Variants in CPE observed in about 807,000 individuals in gnomAD.
The protein encoded by CPE is carboxypeptidase E.
In CPE, 17 loss-of-function variants were observed where a neutral mutation model predicts 53.5. That is an observed-to-expected ratio of 0.32 (90% CI 0.22 to 0.48). The LOEUF is 0.48. Among genes scored for constraint, CPE ranks in the 20% least tolerant of loss-of-function variants. The probability of loss-of-function intolerance (pLI) is 0.99; values close to 1 mark genes in which losing one functional copy is unlikely to be tolerated. For missense variants in CPE, 524 were observed against 614.7 expected, an observed-to-expected ratio of 0.85 and a Z score of 1.56; for synonymous variants, 226 against 228.8, an observed-to-expected ratio of 0.99 and a Z score of 0.11.
intron 1 of CPE, among the ~76,000 whole-genome samples, chr4:165,407,887 T>C (rs985202059): frequency 1.3e-4 from 20 of 150,858 alleles, no homozygotes; most frequent in African/African-American, 4.9e-4. Context: ...AGAGACGGAG[T>C]TCCGCTGTGT....
chr4:165,396,450 G>A (rs1357110066), intron 1 of CPE, among the ~76,000 whole-genome samples: 1 of 152,076 alleles, frequency 6.6e-6, no homozygotes, highest in Non-Finnish European at 1.5e-5. Flanking sequence ...TTGAGACCAG[G>A]AGTTCAAGAC....
chr4:165,448,751 T>C (rs1731758909), intron 1 of CPE, among the ~76,000 whole-genome samples: 1 of 152,154 alleles, frequency 6.6e-6, no homozygotes, highest in African/African-American at 2.4e-5. Flanking sequence ...TGATCGTCAG[T>C]CCACTATCCA....
At chr4:165,411,154 TA>T (rs1731037475) in intron 1 of CPE, among the ~76,000 whole-genome samples, 1 of 152,212 alleles carries the variant, frequency 6.6e-6, no homozygotes, top group South Asian at 2.1e-4. Context: ...CCAGATGAAA[TA>T]TTTTTTCCTT....
At chr4:165,432,527 C>T (rs755317896) in intron 1 of CPE, among the ~76,000 whole-genome samples, 4 of 152,126 alleles carry the variant, frequency 2.6e-5, no homozygotes, top group South Asian at 4.1e-4. Flanking sequence ...AACTCCTGGG[C>T]TCAAGCAATT....
intron 1 of CPE, among the ~76,000 whole-genome samples, chr4:165,435,539 T>G (rs1731485533): frequency 6.6e-6 from 1 of 152,148 alleles, no homozygotes; most frequent in African/African-American, 2.4e-5. Context: ...TAAAATAGAA[T>G]TTTTTCTGTG....
At chr4:165,429,053 T>G (rs912338697) in intron 1 of CPE, among the ~76,000 whole-genome samples, 1 of 152,230 alleles carries the variant, frequency 6.6e-6, no homozygotes, top group Admixed American at 6.5e-5. Flanking sequence ...CCTGTGTTAC[T>G]TATCTATTGC....
intron 1 of CPE, chr4:165,405,205 C>G: frequency 1.3e-6 from 1 of 785,604 alleles, no homozygotes; most frequent in Non-Finnish European, 2.3e-6. Flanking sequence ...TAAGTATAGT[C>G]TTTCGCCCCT....
intron 2 of CPE, 46 bp downstream of exon 2, chr4:165,464,632 G>T: frequency 6.7e-7 from 1 of 1,491,488 alleles, no homozygotes; most frequent in Non-Finnish European, 9.0e-7. Flanking sequence ...TTCATTTTCT[G>T]TATGTTTGTA....
intron 2 of CPE, 70 bp downstream of exon 2, chr4:165,464,656 C>A: frequency 7.4e-7 from 1 of 1,353,840 alleles, no homozygotes; most frequent in South Asian, 1.6e-5. Flanking sequence ...ACATGTTTAT[C>A]TAAAAATTAT....
intron 1 of CPE, among the ~76,000 whole-genome samples, chr4:165,427,750 C>G (rs1731345862): frequency 6.6e-6 from 1 of 152,102 alleles, no homozygotes; most frequent in Non-Finnish European, 1.5e-5. Context: ...TATAATACTT[C>G]TCAATATTTT....
chr4:165,441,370 C>T (rs1020258650), intron 1 of CPE, among the ~76,000 whole-genome samples: 1 of 152,140 alleles, frequency 6.6e-6, no homozygotes, highest in Non-Finnish European at 1.5e-5. Flanking sequence ...CCTTGGCTTT[C>T]CTGTGACATA....
At chr4:165,489,528 C>T (rs1214544533) in intron 6 of CPE, among the ~76,000 whole-genome samples, 1 of 152,096 alleles carries the variant, frequency 6.6e-6, no homozygotes, top group Non-Finnish European at 1.5e-5. Flanking sequence ...GGAGCAATAA[C>T]AGTACACAGA....
intron 1 of CPE, among the ~76,000 whole-genome samples, chr4:165,460,155 A>C (rs1368156890): frequency 6.6e-6 from 1 of 151,994 alleles, no homozygotes. Flanking sequence ...AAACACTATA[A>C]ACAGGAAGGC....
intron 3 of CPE, among the ~76,000 whole-genome samples, chr4:165,469,252 T>C (rs1404404520): frequency 6.6e-6 from 1 of 152,198 alleles, no homozygotes; most frequent in Non-Finnish European, 1.5e-5. Flanking sequence ...GAAGAACTGC[T>C]GTCAGCAGCC....
intron 1 of CPE, among the ~76,000 whole-genome samples, chr4:165,381,059 T>C (rs35056439): frequency 6.6e-6 from 1 of 152,246 alleles, no homozygotes; most frequent in Non-Finnish European, 1.5e-5. Flanking sequence ...GAACCCTTTG[T>C]TACTCTATTT....
chr4:165,395,465 G>A (rs985518988), intron 1 of CPE, among the ~76,000 whole-genome samples: 2 of 152,196 alleles, frequency 1.3e-5, no homozygotes, highest in South Asian at 2.1e-4. Context: ...GCACAGTACT[G>A]GTAATGATTT....
chr4:165,441,843 C>T (rs1221316121), intron 1 of CPE, among the ~76,000 whole-genome samples: 1 of 152,118 alleles, frequency 6.6e-6, no homozygotes, highest in East Asian at 1.9e-4. Context: ...TTGGTAAATG[C>T]TTCTAATCAT....
At chr4:165,409,297 G>T (rs977434418) in intron 1 of CPE, among the ~76,000 whole-genome samples, 1 of 151,860 alleles carries the variant, frequency 6.6e-6, no homozygotes, top group South Asian at 2.1e-4. Flanking sequence ...TCTGCCTCCA[G>T]GGTTCAAGTG....
intron 8 of CPE, among the ~76,000 whole-genome samples, chr4:165,496,101 T>C (rs1051719938): frequency 6.6e-6 from 1 of 152,190 alleles, no homozygotes; most frequent in Non-Finnish European, 1.5e-5. Context: ...CTCTCTGTGC[T>C]AAGTAGTATC....
Sources: allele counts gnomAD v4.1 joint callset (sites outside exome capture counted in the v4.1 genomes callset), GRCh38; gene constraint gnomAD v4.1.1; transcripts MANE v1.5; gene names NCBI Gene and HGNC (gene_info 2026-07-23, HGNC 2026-07-21).